UBE3D: variants seen among roughly 807,000 people sequenced by gnomAD.
The protein encoded by UBE3D is ubiquitin protein ligase E3D.
In UBE3D, 48 loss-of-function variants were observed where a neutral mutation model predicts 49.6. The ratio of observed to expected loss-of-function variants is 0.97; its 90% CI spans 0.77 to 1.23. UBE3D has a LOEUF of 1.23. Among genes scored for constraint, UBE3D ranks in the 50% most tolerant of loss-of-function variants. The pLI is 0.00. For missense variants in UBE3D, 452 were observed against 468.4 expected, an observed-to-expected ratio of 0.96 and a Z score of 0.32; for synonymous variants, 189 against 174.2, an observed-to-expected ratio of 1.08 and a Z score of -0.67.
At chr6:82,908,935 TC>T (rs1489960688) in intron 9 of UBE3D, among the ~76,000 whole-genome samples, 3 of 152,126 alleles carry the variant, frequency 2.0e-5, no homozygotes, top group African/African-American at 7.2e-5. Flanking sequence ...GGTGAGTCAG[TC>T]CAGGTTTCCC....
intron 8 of UBE3D, among the ~76,000 whole-genome samples, chr6:82,972,425 A>C (rs756354712): frequency 6.6e-6 from 1 of 152,246 alleles, no homozygotes; most frequent in Non-Finnish European, 1.5e-5. Flanking sequence ...CCCTCCCTCC[A>C]TGGGAAGAGA....
intron 9 of UBE3D, among the ~76,000 whole-genome samples, chr6:82,907,077 T>G (rs1022548735): frequency 1.3e-5 from 2 of 151,976 alleles, no homozygotes; most frequent in Non-Finnish European, 2.9e-5. Flanking sequence ...AAAAGAAAAA[T>G]GGAGGGAGGA....
chr6:82,951,769 T>C (rs1216173406), intron 9 of UBE3D, among the ~76,000 whole-genome samples: 1 of 152,154 alleles, frequency 6.6e-6, no homozygotes, highest in Non-Finnish European at 1.5e-5. Context: ...AGGCAGATCT[T>C]GTTCCTACTG....
At chr6:82,991,357 A>T (rs1248294950) in intron 8 of UBE3D, among the ~76,000 whole-genome samples, 1 of 152,184 alleles carries the variant, frequency 6.6e-6, no homozygotes, top group African/African-American at 2.4e-5. Flanking sequence ...TGATACCAAG[A>T]AGGTGGTATT....
chr6:82,961,376 G>A (rs184133), intron 8 of UBE3D, among the ~76,000 whole-genome samples: 103,381 of 151,998 alleles, frequency 0.68, 35,821 homozygotes, highest in East Asian at 0.82. Flanking sequence ...ACCAGGTCAG[G>A]CACTTTAGTT....
intron 8 of UBE3D, among the ~76,000 whole-genome samples, chr6:83,011,752 C>T (rs1780349827): frequency 6.6e-6 from 1 of 152,036 alleles, no homozygotes; most frequent in South Asian, 2.1e-4. Flanking sequence ...AGCGTTGCTC[C>T]CACTGGAACT....
intron 8 of UBE3D, among the ~76,000 whole-genome samples, chr6:82,985,808 G>A (rs1453937963): frequency 1.3e-5 from 2 of 152,040 alleles, no homozygotes; most frequent in African/African-American, 2.4e-5. Context: ...TGTTTGAGAG[G>A]CCACCTTTCC....
intron 9 of UBE3D, among the ~76,000 whole-genome samples, chr6:82,907,890 T>C (rs193130851): frequency 4.0e-4 from 61 of 152,238 alleles, no homozygotes; most frequent in Non-Finnish European, 7.4e-4. Context: ...TACCAGAATA[T>C]TTACAGCAGC....
At chr6:82,894,267 C>T (rs1004979318) in intron 9 of UBE3D, among the ~76,000 whole-genome samples, 19 of 152,018 alleles carry the variant, frequency 1.2e-4, no homozygotes, top group Non-Finnish European at 1.9e-4. Flanking sequence ...AAACATCCTG[C>T]CCAACCACCT....
chr6:83,057,770 C>G (rs1471140861), intron 2 of UBE3D, 56 bp downstream of exon 2: 1 of 1,566,774 alleles, frequency 6.4e-7, no homozygotes, highest in Non-Finnish European at 8.7e-7. Context: ...GGAAAAATCA[C>G]CTTTGGTTTA....
At chr6:82,880,934 G>T in the UBE3D span, among the ~76,000 whole-genome samples, 4 of 152,136 alleles carry the variant, frequency 2.6e-5, no homozygotes, top group African/African-American at 9.7e-5. Context: ...ATGTCCTTAT[G>T]TGAGGGAAAG....
At chr6:82,986,189 A>G (rs1654999161) in intron 8 of UBE3D, among the ~76,000 whole-genome samples, 1 of 152,002 alleles carries the variant, frequency 6.6e-6, no homozygotes, top group South Asian at 2.1e-4. Flanking sequence ...ATACTTCTGT[A>G]ATGGCGGGCG....
At chr6:82,884,772 G>A in the UBE3D span, among the ~76,000 whole-genome samples, 1 of 152,162 alleles carries the variant, frequency 6.6e-6, no homozygotes, top group Non-Finnish European at 1.5e-5. Context: ...AAATGCATGG[G>A]GAAATACGAA....
In UBE3D at chr6:82,944,942, C is replaced by T. The variant is rs149004245; in HGVS notation, c.1149+12370G>A. Among the ~76,000 whole-genome samples, 1,220 of 152,332 alleles carry T rather than the reference C, an allele frequency of 8.0e-3. 11 individuals are homozygous for T. The highest frequency in any genetic ancestry group is 0.026 in the East Asian group (134 of 5,180). On this transcript the variant is annotated intron_variant, in intron 9 of 9. Coordinates refer to ENST00000369747, the MANE Select transcript of UBE3D (RefSeq NM_198920.3). ...CATGGTTCAAGGACCAGCTAAGCCACATTAGAATAGAATGCCAAGTAGACT... is the reference window on the plus strand; with the variant it reads ...CATGGTTCAAGGACCAGCTAAGCCATATTAGAATAGAATGCCAAGTAGACT...
At chr6:83,005,749 C>G (rs1779933586) in intron 8 of UBE3D, among the ~76,000 whole-genome samples, 1 of 151,816 alleles carries the variant, frequency 6.6e-6, no homozygotes, top group Admixed American at 6.6e-5. Context: ...TGTCCACTGA[C>G]AGACGAAAAG....
chr6:83,054,365 T>A, intron 2 of UBE3D, 127 bp from the exon 3 acceptor site: 1 of 668,608 alleles, frequency 1.5e-6, no homozygotes, highest in Admixed American at 2.5e-5. Context: ...GAAGTACACA[T>A]TTAATTAATA....
At chr6:82,991,917 T>G (rs946637703) in intron 8 of UBE3D, among the ~76,000 whole-genome samples, 3 of 152,118 alleles carry the variant, frequency 2.0e-5, no homozygotes, top group African/African-American at 7.2e-5. Context: ...CATAGAGAAT[T>G]AAATGTACAA....
chr6:82,991,997 A>C (rs1582571944), intron 8 of UBE3D, among the ~76,000 whole-genome samples: 1 of 114,888 alleles, frequency 8.7e-6, no homozygotes, highest in East Asian at 2.5e-4. Flanking sequence ...CATGTAAAAC[A>C]AAAAACAAAA....
At chr6:82,992,357 G>A (rs1255020348) in intron 8 of UBE3D, among the ~76,000 whole-genome samples, 2 of 151,662 alleles carry the variant, frequency 1.3e-5, no homozygotes, top group African/African-American at 4.8e-5. Context: ...TGAGTAGCTA[G>A]GATTACAGGT....
Sources: gnomAD v4.1 joint callset for allele counts (sites outside exome capture counted in the v4.1 genomes callset) on GRCh38, gnomAD v4.1.1 for gene constraint, MANE v1.5 for transcripts, NCBI Gene and HGNC (gene_info 2026-07-23, HGNC 2026-07-21) for gene names.